ELFN2: variants seen among roughly 807,000 people sequenced by gnomAD.
ELFN2 encodes protein phosphatase 1 regulatory subunit 29.
Under a neutral mutation model 45.5 loss-of-function variants are expected in ELFN2, and 17 were observed. The ratio of observed to expected loss-of-function variants is 0.37; its 90% CI spans 0.26 to 0.56. The LOEUF (loss-of-function observed/expected upper bound fraction) is 0.56, where lower values mean the gene tolerates loss of function less well. Among genes scored for constraint, ELFN2 ranks in the 20% least tolerant of loss-of-function variants. The pLI, the probability that ELFN2 is intolerant of heterozygous loss-of-function variation, is 0.77. For missense variants in ELFN2, 922 were observed against 1,183.2 expected, an observed-to-expected ratio of 0.78 and a Z score of 3.24; for synonymous variants, 550 against 551.5, an observed-to-expected ratio of 1.00 and a Z score of 0.04.
chr22:37,346,251 ACTT>A (rs1930694293), intron 1 of ELFN2, among the ~76,000 whole-genome samples: 1 of 152,200 alleles, frequency 6.6e-6, no homozygotes. Flanking sequence ...CACACTGGGC[ACTT>A]CCCCAAGCCT....
intron 1 of ELFN2, among the ~76,000 whole-genome samples, chr22:37,347,624 T>C (rs896119627): frequency 2.0e-4 from 30 of 146,810 alleles, no homozygotes; most frequent in Non-Finnish European, 3.6e-4. Flanking sequence ...CAAGATTGTA[T>C]AGGTGGTGGG....
At chr22:37,398,472 C>T (rs535273855) in intron 2 of ELFN2, among the ~76,000 whole-genome samples, 3 of 152,150 alleles carry the variant, frequency 2.0e-5, no homozygotes, top group Non-Finnish European at 4.4e-5. Flanking sequence ...CACTCCTGTC[C>T]GGCCCCTTCC....
In ELFN2 at chr22:37,427,408, C is replaced by A; in HGVS notation, c.-724G>T. ...GTGAGTGTGAGCGCGGGTGTGGGTG[C>A]GGGGTGCGTGGCCGTGGGGTGGCCC... On this transcript the variant is annotated 5_prime_UTR_variant, in exon 1 of 3. Coordinates refer to ENST00000402918, the MANE Select transcript of ELFN2 (RefSeq NM_052906.5). 6.5e-6 allele frequency: 1 copy of A among 152,740 alleles called. No individual in the cohort carries two copies. Among genetic ancestry groups the A allele is most frequent in the Non-Finnish European group, 1.5e-5 (1 of 68,640 alleles). 9.5% of individuals were successfully genotyped at this position (152,740 alleles called of 1,614,324 possible). A position where few individuals can be genotyped will look rare whatever the true frequency, so the allele number is the denominator to read the frequency against.
intron 2 of ELFN2, among the ~76,000 whole-genome samples, chr22:37,399,232 A>G (rs1468120464): frequency 6.6e-6 from 1 of 151,956 alleles, no homozygotes; most frequent in Non-Finnish European, 1.5e-5. Flanking sequence ...AGTGAGTGCT[A>G]CTTCTCAGGC....
intron 2 of ELFN2, among the ~76,000 whole-genome samples, chr22:37,395,828 TG>T (rs1932200906): frequency 6.6e-6 from 1 of 151,620 alleles, no homozygotes; most frequent in African/African-American, 2.4e-5. Flanking sequence ...AGGCCCAGGG[TG>T]GGAGGGGCAG....
chr22:37,381,498 C>T (rs760616737), intron 2 of ELFN2, among the ~76,000 whole-genome samples: 5 of 152,074 alleles, frequency 3.3e-5, no homozygotes, highest in African/African-American at 7.2e-5. Flanking sequence ...CCAGAATCCC[C>T]ATAATCCACC....
rs188334166 is a variant in ELFN2 at position 37,400,370 on chromosome 22, C to G, written c.-463+17399G>C. Among the ~76,000 whole-genome samples, 336 of 152,312 alleles carry G rather than the reference C, an allele frequency of 2.2e-3. 4 individuals are homozygous for G. Among genetic ancestry groups the G allele is most frequent in the African/African-American group, 7.9e-3 (327 of 41,560 alleles). On this transcript the variant is annotated intron_variant, in intron 2 of 2. Coordinates refer to ENST00000402918, the MANE Select transcript of ELFN2 (RefSeq NM_052906.5). Reference sequence around the variant, plus strand: ...TGTCCCCTCCCCTCACCCCCGGAGGCCCACACACCTGTGCCTGAGGAGCAC... The same window carrying G: ...TGTCCCCTCCCCTCACCCCCGGAGGGCCACACACCTGTGCCTGAGGAGCAC...
intron 1 of ELFN2, among the ~76,000 whole-genome samples, chr22:37,346,920 GCT>G (rs1203471967): frequency 1.3e-5 from 2 of 152,034 alleles, no homozygotes; most frequent in African/African-American, 2.4e-5. Flanking sequence ...TCCACCCCCA[GCT>G]CTCTGTCTCT....
At chr22:37,384,131 G>C (rs886765484) in intron 2 of ELFN2, among the ~76,000 whole-genome samples, 3 of 152,070 alleles carry the variant, frequency 2.0e-5, no homozygotes, top group Non-Finnish European at 4.4e-5. Flanking sequence ...TCCATGTCCA[G>C]GCCTTGGTGG....
At position 37,374,155 on chromosome 22, in the gene ELFN2, G is replaced by A. The variant is rs201026516; in HGVS notation, c.1380C>T (p.Gly460=). 3.7e-5 allele frequency: 59 copies of A among 1,613,006 alleles called. No individual in the cohort carries two copies. In the East Asian group the frequency reaches 8.2e-4, roughly 23 times the overall value. ...GSIVHAAQKL[G]EPPVLPVSRM... ...GAGATACGGGCAGCACGGGAGGCTC[G>A]CCCAGCTTCTGGGCGGCGTGCACAA... The change falls in exon 3 of 3, where the codon GGC becomes GGT. Residue 460 remains glycine (G), a synonymous_variant. Coordinates refer to ENST00000402918, the MANE Select transcript of ELFN2 (RefSeq NM_052906.5).
chr22:37,403,419 G>GAGGGGCCA (rs71938399), intron 2 of ELFN2, among the ~76,000 whole-genome samples: 1 of 150,560 alleles, frequency 6.6e-6, no homozygotes, highest in African/African-American at 2.5e-5. Flanking sequence ...GCGAGGGGCC[G>GAGGGGCCA]GAGGGTGGGG....
At chr22:37,387,697 GCCC>G (rs1487749097) in intron 2 of ELFN2, among the ~76,000 whole-genome samples, 26 of 152,068 alleles carry the variant, frequency 1.7e-4, no homozygotes, top group African/African-American at 6.3e-4. Context: ...CCAGGCCGCG[GCCC>G]CTCGGGCTCC....
intron 2 of ELFN2, among the ~76,000 whole-genome samples, chr22:37,383,355 G>A (rs1053191130): frequency 1.8e-4 from 27 of 152,308 alleles, no homozygotes; most frequent in African/African-American, 6.0e-4. Flanking sequence ...CCCTCACAAG[G>A]TCCACGGGCA....
At chr22:37,405,098 T>G (rs1479803100) in intron 2 of ELFN2, among the ~76,000 whole-genome samples, 1 of 147,662 alleles carries the variant, frequency 6.8e-6, no homozygotes, top group African/African-American at 2.5e-5. Context: ...GCATTTTTTT[T>G]TTTTTTTTTT....
At position 37,373,337 on chromosome 22, in the gene ELFN2, G is replaced by A. The variant is rs200736226; in HGVS notation, c.2198C>T (p.Pro733Leu). The A allele has an allele frequency of 7.9e-5, 128 of 1,613,424 alleles. No homozygotes were observed. Among genetic ancestry groups the A allele is most frequent in the East Asian group, 1.8e-4 (8 of 44,884 alleles). ...SLSQRVSFLK[P>L]LTRSKRDSTY... The stretch of plus-strand genomic sequence containing the variant: ...GGAGTCACGCTTGGAGCGGGTCAGC[G>A]GCTTGAGGAAGGACACGCGCTGGCT... The change falls in exon 3 of 3, where the codon CCG becomes CTG. Residue 733 changes from proline (P) to leucine (L), a missense_variant. Pro to Leu is a moderately conservative substitution (Grantham distance 98). This residue lies in a region of ELFN2 where 564 missense variants were observed against 642.8 expected (regional missense o/e 0.88). Coordinates refer to ENST00000402918, the MANE Select transcript of ELFN2 (RefSeq NM_052906.5).
intron 2 of ELFN2, among the ~76,000 whole-genome samples, chr22:37,376,579 C>G (rs1376739172): frequency 6.6e-6 from 1 of 152,192 alleles, no homozygotes; most frequent in East Asian, 1.9e-4. Flanking sequence ...TGTAACTGCT[C>G]TTGTTCCAAA....
At chr22:37,406,024 C>A (rs952678313) in intron 2 of ELFN2, among the ~76,000 whole-genome samples, 1 of 152,024 alleles carries the variant, frequency 6.6e-6, no homozygotes, top group Non-Finnish European at 1.5e-5. Flanking sequence ...CACCTGTAGC[C>A]CCAGCTACTC....
chr22:37,400,550 C>CTAAT lies in ELFN2; in HGVS notation c.-463+17218_-463+17219insATTA, dbSNP rs1171004592. Among the ~76,000 whole-genome samples the CTAAT allele has an allele frequency of 4.6e-5, 7 of 152,332 alleles. No homozygotes were observed. The East Asian group carries it at 1.4e-3, about 29-fold the overall frequency. ...AAGAGCTTAAACCTCTTCGCTGTCA[C>CTAAT]CCATTAGACAGATGGGAGCCTGAGG... is the stretch of plus-strand genomic sequence containing the variant. On this transcript the variant is annotated intron_variant, in intron 2 of 2. Transcript: ENST00000402918.
At chr22:37,382,138 G>A (rs1205973589) in intron 2 of ELFN2, among the ~76,000 whole-genome samples, 1 of 152,148 alleles carries the variant, frequency 6.6e-6, no homozygotes, top group African/African-American at 2.4e-5. Flanking sequence ...GAGAGGTGCA[G>A]TGATGCACCC....
Sources: allele counts gnomAD v4.1 joint callset (sites outside exome capture counted in the v4.1 genomes callset), GRCh38; gene constraint gnomAD v4.1.1; regional missense constraint gnomAD v4.1.1; transcripts MANE v1.5; gene names NCBI Gene and HGNC (gene_info 2026-07-23, HGNC 2026-07-21).